Variants in C2CD5 observed in about 807,000 individuals in gnomAD.
C2CD5 encodes the protein C2 calcium dependent domain containing 5.
Under a neutral mutation model 130.3 loss-of-function variants are expected in C2CD5, and 109 were observed. The observed-to-expected ratio is 0.84, with a 90% CI of 0.72 to 0.98. C2CD5 has a LOEUF of 0.98. Ranked by LOEUF, C2CD5 falls within the 50% of genes least tolerant of loss-of-function variation. The pLI is 0.00. For missense variants in C2CD5, 996 were observed against 1,261.8 expected (o/e 0.79, Z 3.19); for synonymous variants, 454 against 429.2 (o/e 1.06, Z -0.71).
At chr12:22,544,264 G>A (rs1367732600) in intron 1 of C2CD5, 56 bp downstream of exon 1, 5 of 996,482 alleles carry the variant, frequency 5.0e-6, no homozygotes, top group East Asian at 3.0e-5. Context: ...GACAGCGAAG[G>A]AGCGCGCGGG....
intron 2 of C2CD5, among the ~76,000 whole-genome samples, chr12:22,538,231 A>G (rs1952007879): frequency 6.6e-6 from 1 of 152,154 alleles, no homozygotes; most frequent in Admixed American, 6.5e-5. Flanking sequence ...TTCATCTCTG[A>G]TTTCCAGTTT....
intron 15 of C2CD5, chr12:22,478,098 T>C: frequency 1.9e-6 from 1 of 514,516 alleles, no homozygotes. Context: ...TCATAGGAAG[T>C]GGCAAAAATG....
intron 26 of C2CD5, among the ~76,000 whole-genome samples, chr12:22,451,299 AT>A (rs747822617): frequency 3.2e-4 from 48 of 152,288 alleles, no homozygotes; most frequent in Admixed American, 5.2e-4. Context: ...TGACAACAAA[AT>A]TAAGATGGTT....
intron 11 of C2CD5, 108 bp from the exon 12 acceptor site, chr12:22,490,326 A>T: frequency 1.4e-6 from 1 of 693,660 alleles, no homozygotes; most frequent in Non-Finnish European, 2.5e-6. Context: ...TTCAAGTTAG[A>T]CTCTACTCAA....
intron 4 of C2CD5, 74 bp downstream of exon 4, chr12:22,527,647 T>C (rs879010973): frequency 1.8e-5 from 16 of 901,458 alleles, no homozygotes; most frequent in African/African-American, 5.2e-5. Flanking sequence ...CCAGCAAATA[T>C]AGCACAAATG....
In C2CD5 at chr12:22,527,749, T is replaced by C; in HGVS notation, c.321A>G (p.Gly107=). The C allele has an allele frequency of 6.3e-7, 1 of 1,593,950 alleles. No individual in the cohort carries two copies. The highest frequency in any genetic ancestry group is 2.3e-5 in the East Asian group (1 of 44,206). ...LYSEAATVIS[G]WFPIYDTIHG... is the part of the protein sequence containing the mutation. Reference sequence around the variant, plus strand: ...GTATGGTGTCATAAATTGGAAACCATCCTGAGATGACTGTTGCAGCTTCAC... The same window carrying C: ...GTATGGTGTCATAAATTGGAAACCACCCTGAGATGACTGTTGCAGCTTCAC... Residue 107 remains glycine, a synonymous_variant, in exon 4 of 27, where the codon GGA becomes GGG. Coordinates refer to ENST00000446597, the MANE Select transcript of C2CD5 (RefSeq NM_001286176.2).
At chr12:22,496,155 G>A (rs1946981815) in intron 10 of C2CD5, among the ~76,000 whole-genome samples, 1 of 151,998 alleles carries the variant, frequency 6.6e-6, no homozygotes, top group Non-Finnish European at 1.5e-5. Context: ...TATCTCCAAA[G>A]CTTATTTTAT....
intron 25 of C2CD5, among the ~76,000 whole-genome samples, chr12:22,455,425 AG>A (rs1939626777): frequency 6.6e-6 from 1 of 152,168 alleles, no homozygotes; most frequent in African/African-American, 2.4e-5. Flanking sequence ...CAACATTTTG[AG>A]GTATGGGAGC....
At chr12:22,523,074 C>T (rs796796459) in intron 7 of C2CD5, among the ~76,000 whole-genome samples, 14 of 151,912 alleles carry the variant, frequency 9.2e-5, no homozygotes, top group South Asian at 4.2e-4. Context: ...GTTAGCTGGG[C>T]GTGGTGGCCT....
chr12:22,496,632 G>A (rs998176078), intron 10 of C2CD5, among the ~76,000 whole-genome samples: 19 of 149,612 alleles, frequency 1.3e-4, no homozygotes, highest in African/African-American at 4.4e-4. Context: ...ATTATTTTAG[G>A]AAAATTTAAA....
chr12:22,470,688 T>C (rs1942879776), intron 21 of C2CD5, 136 bp downstream of exon 21: 5 of 610,802 alleles, frequency 8.2e-6, no homozygotes, highest in African/African-American at 1.9e-5. Context: ...GTTATCTTCA[T>C]AAAGATGAAC....
At chr12:22,539,386 C>T (rs926896228) in intron 2 of C2CD5, among the ~76,000 whole-genome samples, 8 of 152,132 alleles carry the variant, frequency 5.3e-5, no homozygotes, top group African/African-American at 1.9e-4. Context: ...CTCTAGTCCT[C>T]CTCTTCTAAT....
In C2CD5 at chr12:22,471,855, G is replaced by C. The variant is rs1463650580; in HGVS notation, c.2268+112C>G. 16 of 678,054 alleles carry C rather than the reference G, an allele frequency of 2.4e-5. No homozygotes were observed. The Admixed American group carries it at 3.2e-4, about 13-fold the overall frequency. The allele number at this position is 678,054 out of a possible 1,614,324, so 42.0% of individuals were successfully genotyped here. On this transcript the variant is annotated intron_variant, in intron 19 of 26. Transcript: ENST00000446597. ...TGATAGAGGTAAGGTAAGTAGGTAA[G>C]AATGATTCAGCCCACAACTGTGTAA...
chr12:22,530,460 AT>A (rs1006659124), intron 3 of C2CD5, among the ~76,000 whole-genome samples: 318 of 143,762 alleles, frequency 2.2e-3, no homozygotes, highest in Non-Finnish European at 2.0e-3. Context: ...AACTTACTAA[AT>A]TTTTTTTTTT....
chr12:22,505,795 T>C (rs1948450693), intron 10 of C2CD5, among the ~76,000 whole-genome samples: 1 of 152,198 alleles, frequency 6.6e-6, no homozygotes, highest in Non-Finnish European at 1.5e-5. Flanking sequence ...TAAGCTACTA[T>C]TCTTACTCGT....
Position 22,470,865 on chromosome 12 carries a change from A to G in C2CD5, c.2405T>C (p.Leu802Ser), listed in dbSNP as rs1942909525. 6.2e-7 allele frequency: 1 copy of G among 1,612,618 alleles called. No individual in the cohort carries two copies. Residue 802 changes from leucine to serine, a missense_variant, in exon 21 of 27, where the codon TTA (leucine) becomes TCA (serine). Transcript: ENST00000446597. ...VAITFDKNQA[L>S]QTTKTPVEKS... is the part of the protein sequence containing the mutation. ...TTCAACAGGGGTTTTTGTGGTTTGT[A>G]AAGCCTGATTTTTGTCAAAAGTGAT... is the stretch of plus-strand genomic sequence containing the variant.
At chr12:22,486,956 A>G (rs1202913581) in intron 12 of C2CD5, among the ~76,000 whole-genome samples, 1 of 152,226 alleles carries the variant, frequency 6.6e-6, no homozygotes, top group Non-Finnish European at 1.5e-5. Context: ...AAATGGGGAA[A>G]GGATTCCCTA....
intron 16 of C2CD5, among the ~76,000 whole-genome samples, chr12:22,473,735 G>C (rs934615419): frequency 6.6e-6 from 1 of 152,102 alleles, no homozygotes; most frequent in African/African-American, 2.4e-5. Flanking sequence ...TACTAGGTCT[G>C]AGGTAGGGGC....
intron 3 of C2CD5, chr12:22,535,053 T>G (rs1951693800): frequency 2.3e-6 from 1 of 428,296 alleles, no homozygotes; most frequent in Non-Finnish European, 4.1e-6. Flanking sequence ...GAAGACTTCT[T>G]TTGTTAATGT....
Sources: allele counts gnomAD v4.1 joint callset (sites outside exome capture counted in the v4.1 genomes callset), GRCh38; gene constraint gnomAD v4.1.1; transcripts MANE v1.5; gene names NCBI Gene and HGNC (gene_info 2026-07-23, HGNC 2026-07-21).